Variants in ELAVL2 observed in about 807,000 individuals in gnomAD.
ELAVL2 encodes ELAV like RNA binding protein 2, also known as ELAV-like protein 2.
A neutral mutation model predicts 34.6 loss-of-function variants in ELAVL2; 4 were observed. That is an observed-to-expected ratio of 0.12 (90% CI 0.06 to 0.26). ELAVL2 has a LOEUF of 0.26. Among genes scored for constraint, ELAVL2 ranks in the 10% least tolerant of loss-of-function variants. The pLI is 1.00. For synonymous variants in ELAVL2, 193 were observed against 154.8 expected (o/e 1.25, Z -1.83); for missense variants, 432 against 442.8 (o/e 0.98, Z 0.22).
chr9:23,841,122 G>C, the ELAVL2 span, among the ~76,000 whole-genome samples: 4 of 152,168 alleles, frequency 2.6e-5, no homozygotes, highest in African/African-American at 9.7e-5. Flanking sequence ...GAAAGGGAAA[G>C]AGATATGTCC....
intron 2 of ELAVL2, among the ~76,000 whole-genome samples, chr9:23,742,949 G>A (rs1211188618): frequency 6.6e-6 from 1 of 152,114 alleles, no homozygotes; most frequent in Non-Finnish European, 1.5e-5. Flanking sequence ...GTTTGGGCTG[G>A]TGGGGGTATA....
intron 1 of ELAVL2, among the ~76,000 whole-genome samples, chr9:23,802,128 G>C (rs907704430): frequency 1.3e-5 from 2 of 152,124 alleles, no homozygotes; most frequent in African/African-American, 4.8e-5. Flanking sequence ...CAACAAACTA[G>C]GACAATGAAA....
chr9:23,764,580 A>G (rs2055813233), intron 1 of ELAVL2, among the ~76,000 whole-genome samples: 1 of 152,196 alleles, frequency 6.6e-6, no homozygotes, highest in Non-Finnish European at 1.5e-5. Context: ...TGGGCAAATA[A>G]TTTTCAGCCA....
At chr9:23,825,566 CT>C (rs1351742507) in intron 1 of ELAVL2, among the ~76,000 whole-genome samples, 3 of 152,220 alleles carry the variant, frequency 2.0e-5, no homozygotes, top group Non-Finnish European at 2.9e-5. Flanking sequence ...CTACTCCCCC[CT>C]GGCCACATTT....
chr9:23,789,557 G>T (rs931115424), intron 1 of ELAVL2, among the ~76,000 whole-genome samples: 20 of 152,126 alleles, frequency 1.3e-4, no homozygotes, highest in Admixed American at 2.0e-4. Flanking sequence ...GAATGATAAA[G>T]CTTGGTCATC....
chr9:23,822,508 T>A (rs9792583), intron 1 of ELAVL2, among the ~76,000 whole-genome samples: 3 of 151,982 alleles, frequency 2.0e-5, no homozygotes, highest in African/African-American at 4.8e-5. Context: ...GGGCGTCCCA[T>A]CGCTGCCTTG....
chr9:23,773,278 G>C (rs977597728), intron 1 of ELAVL2, among the ~76,000 whole-genome samples: 3 of 152,110 alleles, frequency 2.0e-5, no homozygotes, highest in Non-Finnish European at 4.4e-5. Context: ...CTTAGCCTCA[G>C]ACCTTATCCA....
intron 1 of ELAVL2, chr9:23,779,516 T>C: frequency 1.8e-6 from 1 of 556,880 alleles, no homozygotes; most frequent in Non-Finnish European, 2.3e-6. Flanking sequence ...CATTCTTCCC[T>C]GCCTCCAAAG....
rs1225942963 is a variant in ELAVL2 at position 23,756,836 on chromosome 9, A to G, written c.229+5170T>C. On this transcript the variant is annotated intron_variant, in intron 2 of 6. Coordinates refer to ENST00000397312, the MANE Select transcript of ELAVL2 (RefSeq NM_004432.5). ...TCCCTACAAAATGTTTAAGACATTG[A>G]TAACTCCTAGCTAACGAGTACCTTC... 3.3e-5 allele frequency among the ~76,000 whole-genome samples: 5 copies of G among 152,282 alleles called. No homozygotes were observed. In the East Asian group the frequency reaches 9.7e-4, roughly 29 times the overall value.
intron 2 of ELAVL2, among the ~76,000 whole-genome samples, chr9:23,753,553 T>C (rs1416878185): frequency 1.3e-5 from 2 of 152,142 alleles, no homozygotes; most frequent in Non-Finnish European, 2.9e-5. Flanking sequence ...ATCATTTTCA[T>C]ACCAAAGAAA....
rs567948851 is a variant in ELAVL2, at chr9:23,823,540, T to G, written c.-16+2266A>C. On this transcript the variant is annotated intron_variant, in intron 1 of 6. Coordinates refer to ENST00000397312, the MANE Select transcript of ELAVL2 (RefSeq NM_004432.5). ...GAGGGAACGGGGAAGAAGTGCCTGC[T>G]GTAAGACACATTCAGGCAATGACAG... 8.5e-5 allele frequency among the ~76,000 whole-genome samples: 13 copies of G among 152,330 alleles called. No individual in the cohort carries two copies. In the East Asian group the frequency reaches 2.5e-3, roughly 29 times the overall value.
chr9:23,802,890 G>A (rs1267397195), intron 1 of ELAVL2, among the ~76,000 whole-genome samples: 2 of 152,042 alleles, frequency 1.3e-5, no homozygotes, highest in African/African-American at 4.8e-5. Context: ...AATATGTAAT[G>A]GGTTTGCTAT....
At chr9:23,736,586 C>G (rs951634487) in intron 2 of ELAVL2, among the ~76,000 whole-genome samples, 2 of 152,152 alleles carry the variant, frequency 1.3e-5, no homozygotes, top group African/African-American at 4.8e-5. Context: ...TCAAGTCTAA[C>G]AGTGAAGATG....
intron 1 of ELAVL2, among the ~76,000 whole-genome samples, chr9:23,789,648 C>A (rs2060107932): frequency 6.6e-6 from 1 of 152,112 alleles, no homozygotes. Flanking sequence ...GCAGGGTAAT[C>A]TTTTAGCTAA....
intron 1 of ELAVL2, among the ~76,000 whole-genome samples, chr9:23,819,732 A>C (rs2064258807): frequency 6.6e-6 from 1 of 152,234 alleles, no homozygotes; most frequent in South Asian, 2.1e-4. Flanking sequence ...CCACACAAAA[A>C]TAAAAATACT....
chr9:23,814,081 CA>C (rs2063385001), intron 1 of ELAVL2, among the ~76,000 whole-genome samples: 1 of 152,174 alleles, frequency 6.6e-6, no homozygotes, highest in African/African-American at 2.4e-5. Flanking sequence ...TATATATTAC[CA>C]AACCGTAAAT....
the ELAVL2 span, among the ~76,000 whole-genome samples, chr9:23,841,699 T>G: frequency 6.6e-6 from 1 of 152,130 alleles, no homozygotes; most frequent in Non-Finnish European, 1.5e-5. Flanking sequence ...TTTTTAAACT[T>G]TTTGAGAATC....
At chr9:23,733,522 T>C (rs2047113122) in intron 2 of ELAVL2, among the ~76,000 whole-genome samples, 1 of 152,194 alleles carries the variant, frequency 6.6e-6, no homozygotes, top group South Asian at 2.1e-4. Flanking sequence ...CTTGCAGGGA[T>C]GACTGCTGTT....
intron 2 of ELAVL2, among the ~76,000 whole-genome samples, chr9:23,749,432 CGA>C (rs1348862129): frequency 2.0e-5 from 3 of 151,844 alleles, no homozygotes; most frequent in Non-Finnish European, 2.9e-5. Flanking sequence ...ATTAGCATAA[CGA>C]GTGTTAGAAA....
Sources: gnomAD v4.1 joint callset for allele counts (sites outside exome capture counted in the v4.1 genomes callset) on GRCh38, gnomAD v4.1.1 for gene constraint, MANE v1.5 for transcripts, NCBI Gene and HGNC (gene_info 2026-07-23, HGNC 2026-07-21) for gene names.